The following RBFOX2 variants were observed in gnomAD, a reference collection of about 807,000 sequenced individuals.
The protein encoded by RBFOX2 is RNA binding fox-1 homolog 2.
RBFOX2 carries 10 observed loss-of-function variants against 49.1 expected under a neutral mutation model. The ratio of observed to expected loss-of-function variants is 0.20; its 90% CI spans 0.13 to 0.35. The LOEUF is 0.35. RBFOX2 is among the 10% of genes least tolerant of loss of function. The pLI is 1.00. For missense variants in RBFOX2, 323 were observed against 486.9 expected (o/e 0.66, Z 3.17); for synonymous variants, 183 against 187.4 (o/e 0.98, Z 0.19).
chr22:35,888,899 A>T (rs1383516806), intron 1 of RBFOX2, among the ~76,000 whole-genome samples: 1 of 152,154 alleles, frequency 6.6e-6, no homozygotes, highest in Non-Finnish European at 1.5e-5. Flanking sequence ...TAAGTCCTGT[A>T]ATCCCAGCAC....
intron 2 of RBFOX2, among the ~76,000 whole-genome samples, chr22:35,797,997 C>G (rs1217510879): frequency 6.6e-6 from 1 of 152,092 alleles, no homozygotes; most frequent in Non-Finnish European, 1.5e-5. Context: ...TTTTTTGAGA[C>G]TGAGTTTCCC....
chr22:35,800,399 T>A (rs1949553828), intron 2 of RBFOX2, among the ~76,000 whole-genome samples: 1 of 152,210 alleles, frequency 6.6e-6, no homozygotes, highest in African/African-American at 2.4e-5. Context: ...CAGCCTGGCA[T>A]TCAAATACTC....
chr22:35,785,790 C>T (rs1051296953), intron 2 of RBFOX2, among the ~76,000 whole-genome samples: 4 of 152,142 alleles, frequency 2.6e-5, no homozygotes, highest in African/African-American at 7.2e-5. Flanking sequence ...TGAAAGTGTA[C>T]GGTTTTCAAT....
At chr22:35,993,266 G>A (rs2058055397) in intron 1 of RBFOX2, 1 of 152,196 alleles carries the variant, frequency 6.6e-6, no homozygotes, top group Admixed American at 6.5e-5. Context: ...GCAGCTGAGG[G>A]TAAAATGAAC....
At chr22:35,946,430 C>T (rs1221255155) in intron 1 of RBFOX2, among the ~76,000 whole-genome samples, 1 of 152,190 alleles carries the variant, frequency 6.6e-6, no homozygotes, top group Non-Finnish European at 1.5e-5. Context: ...TCCTTAATAT[C>T]TCTGACTCTA....
At chr22:35,908,842 C>CTTTTTTTTTTTTTT (rs942879376) in intron 1 of RBFOX2, among the ~76,000 whole-genome samples, 1 of 150,068 alleles carries the variant, frequency 6.7e-6, no homozygotes. Flanking sequence ...AATTTCTCAT[C>CTTTTTTTTTTTTTT]TATTTTTTTT....
chr22:35,777,008 G>T (rs986378903), intron 4 of RBFOX2, among the ~76,000 whole-genome samples: 1 of 151,710 alleles, frequency 6.6e-6, no homozygotes, highest in African/African-American at 2.4e-5. Flanking sequence ...AGTAAATAGG[G>T]GAAATAATTT....
intron 1 of RBFOX2, among the ~76,000 whole-genome samples, chr22:35,851,067 C>T (rs1024142849): frequency 1.3e-5 from 2 of 152,136 alleles, no homozygotes; most frequent in African/African-American, 4.8e-5. Context: ...TAAGTATTAC[C>T]ATGCCCTCCA....
intron 1 of RBFOX2, among the ~76,000 whole-genome samples, chr22:36,012,089 G>T (rs1330865743): frequency 1.3e-5 from 2 of 152,110 alleles, no homozygotes; most frequent in Non-Finnish European, 2.9e-5. Context: ...ATGAAAAAAA[G>T]CCAAAAAACA....
intron 9 of RBFOX2, among the ~76,000 whole-genome samples, chr22:35,751,607 T>C (rs992124622): frequency 6.6e-6 from 1 of 152,152 alleles, no homozygotes; most frequent in Non-Finnish European, 1.5e-5. Flanking sequence ...TAGGAGATAT[T>C]ATAGAGTTCT....
chr22:35,932,335 T>A (rs1369310480), intron 1 of RBFOX2, among the ~76,000 whole-genome samples: 1 of 151,752 alleles, frequency 6.6e-6, no homozygotes, highest in Non-Finnish European at 1.5e-5. Flanking sequence ...AAAAAAAAAA[T>A]CTTGAGGAAA....
At chr22:36,002,313 T>C (rs1043072691) in intron 1 of RBFOX2, among the ~76,000 whole-genome samples, 1 of 152,172 alleles carries the variant, frequency 6.6e-6, no homozygotes, top group Admixed American at 6.5e-5. Flanking sequence ...AGCAGCATTG[T>C]TTCAAATAGC....
At chr22:35,811,133 T>C (rs1015329722) in intron 1 of RBFOX2, among the ~76,000 whole-genome samples, 1 of 151,262 alleles carries the variant, frequency 6.6e-6, no homozygotes, top group Non-Finnish European at 1.5e-5. Context: ...CTTTACACAA[T>C]AGTGGTGAAA....
chr22:35,816,085 CT>C (rs1442476131), intron 1 of RBFOX2, among the ~76,000 whole-genome samples: 1 of 152,044 alleles, frequency 6.6e-6, no homozygotes, highest in African/African-American at 2.4e-5. Flanking sequence ...AAAAAATTAA[CT>C]CTGTAGAAGA....
chr22:35,906,253 T>C (rs988814488), intron 1 of RBFOX2, among the ~76,000 whole-genome samples: 3 of 152,180 alleles, frequency 2.0e-5, no homozygotes, highest in African/African-American at 2.4e-5. Context: ...CCAGTGCCTG[T>C]AGGGGAAAGA....
At chr22:35,828,211 A>T (rs1311821899) in intron 1 of RBFOX2, among the ~76,000 whole-genome samples, 1 of 152,052 alleles carries the variant, frequency 6.6e-6, no homozygotes, top group Admixed American at 6.6e-5. Flanking sequence ...TGAAACTACT[A>T]AAAAAACCAC....
intron 1 of RBFOX2, among the ~76,000 whole-genome samples, chr22:35,990,168 T>G (rs1413947017): frequency 1.3e-5 from 2 of 151,922 alleles, no homozygotes; most frequent in African/African-American, 4.8e-5. Flanking sequence ...GGTGACAGAG[T>G]GAGACTCTGT....
At chr22:35,876,739 C>G (rs914620479) in intron 1 of RBFOX2, among the ~76,000 whole-genome samples, 2 of 150,648 alleles carry the variant, frequency 1.3e-5, no homozygotes, top group Admixed American at 1.3e-4. Context: ...CACACACACA[C>G]AGATTTATAA....
At chr22:35,989,484 C>G (rs1031007829) in intron 1 of RBFOX2, among the ~76,000 whole-genome samples, 1 of 151,948 alleles carries the variant, frequency 6.6e-6, no homozygotes, top group African/African-American at 2.4e-5. Flanking sequence ...AAAAGAGTTT[C>G]AATGTTGTGG....
Sources: allele counts gnomAD v4.1 joint callset (sites outside exome capture counted in the v4.1 genomes callset), GRCh38; gene constraint gnomAD v4.1.1; transcripts MANE v1.5; gene names NCBI Gene and HGNC (gene_info 2026-07-23, HGNC 2026-07-21).